DLAT: variants seen among roughly 807,000 people sequenced by gnomAD.
The protein encoded by DLAT is dihydrolipoyllysine-residue acetyltransferase component of pyruvate dehydrogenase complex, mitochondrial.
A neutral mutation model predicts 68.0 loss-of-function variants in DLAT; 43 were observed. That is an observed-to-expected ratio of 0.63 (90% confidence interval 0.50 to 0.81). DLAT has a LOEUF of 0.81. Among genes scored for constraint, DLAT ranks in the 40% least tolerant of loss-of-function variants. DLAT has a pLI of 0.00. For missense variants in DLAT, 745 were observed against 815.4 expected, an observed-to-expected ratio of 0.91 and a Z score of 1.05; for synonymous variants, 265 against 288.6, an observed-to-expected ratio of 0.92 and a Z score of 0.83.
In DLAT at chr11:112,064,259, ATTG is replaced by A. The variant is rs782265670; in HGVS notation, c.*1728_*1730del. Reference sequence around the variant, plus strand: ...TAAAAACAGTTGCCTTCTAATAAACATTGTTGAGTTAAAAATTAATCTGAGCTA... The same window carrying A: ...TAAAAACAGTTGCCTTCTAATAAACATTGAGTTAAAAATTAATCTGAGCTA... On this transcript the variant is annotated 3_prime_UTR_variant, in exon 14 of 14. Coordinates refer to ENST00000280346, the MANE Select transcript of DLAT (RefSeq NM_001931.5). 2.6e-6 allele frequency: 4 copies of A among 1,509,572 alleles called. No individual in the cohort carries two copies. The highest frequency in any genetic ancestry group is 2.7e-6 in the Non-Finnish European group (3 of 1,124,146). The allele number at this position is 1,509,572 out of a possible 1,614,324, so 93.5% of individuals were successfully genotyped here.
intron 4 of DLAT, among the ~76,000 whole-genome samples, chr11:112,032,241 G>A (rs1484471388): frequency 1.3e-5 from 2 of 150,894 alleles, no homozygotes; most frequent in Non-Finnish European, 2.9e-5. Context: ...ACTCCAGGCT[G>A]GGCAACAGAG....
rs1347826962 is a variant in DLAT at position 112,063,230 on chromosome 11, A to G, written c.*695A>G. On this transcript the variant is annotated 3_prime_UTR_variant, in exon 14 of 14. Coordinates refer to ENST00000280346, the MANE Select transcript of DLAT (RefSeq NM_001931.5). Reference sequence around the variant, plus strand: ...TTGATGTAACTGAGAATTTGTGTGGATATTTATTTAAACAAATGTGTAATT... The same window carrying G: ...TTGATGTAACTGAGAATTTGTGTGGGTATTTATTTAAACAAATGTGTAATT... 7.2e-5 allele frequency: 11 copies of G among 152,216 alleles called. No homozygotes were observed. The highest frequency in any genetic ancestry group is 1.2e-4 in the Non-Finnish European group (8 of 68,028). 9.4% of individuals were successfully genotyped at this position (152,216 alleles called of 1,614,324 possible).
At chr11:112,058,566 G>GGGTCTC (rs1864265749) in intron 11 of DLAT, among the ~76,000 whole-genome samples, 1 of 114,258 alleles carries the variant, frequency 8.8e-6, no homozygotes, top group African/African-American at 3.4e-5. Flanking sequence ...GGAGACCACG[G>GGGTCTC]ATAAAATCCA....
Position 112,028,902 on chromosome 11 carries a change from C to A in DLAT, c.617C>A (p.Pro206His). The A allele has an allele frequency of 6.2e-7, 1 of 1,614,182 alleles. No homozygotes were observed. The highest frequency in any genetic ancestry group is 1.1e-5 in the South Asian group (1 of 91,086). Residue 206 changes from proline (P) to histidine (H), a missense_variant, in exon 4 of 14, where the codon CCT (proline) becomes CAT (histidine). Transcript: ENST00000280346. ...TPAATASPPT[P>H]SAQAPGSSYP... ...GCTGCCACTGCTTCGCCACCTACAC[C>A]TTCTGCTCAGGCTCCTGGTAGCTCA...
Position 112,062,323 on chromosome 11 carries a change from G to A in DLAT, c.1815-83G>A. The A allele has an allele frequency of 2.1e-6, 3 of 1,450,284 alleles. No homozygotes were observed. The South Asian group carries it at 3.5e-5, about 17-fold the overall frequency. The allele number at this position is 1,450,284 out of a possible 1,614,324, so 89.8% of individuals were successfully genotyped here. ...AGTATTACCTGGTTGGGATTATAGG[G>A]TAGGAGTGAGCATTTGGGTGGTTAC... On this transcript the variant is annotated intron_variant, in intron 13 of 13. Transcript: ENST00000280346.
In DLAT at chr11:112,049,073, G is replaced by A. The variant is rs146021242; in HGVS notation, c.1399-2161G>A. On this transcript the variant is annotated intron_variant, in intron 10 of 13. Transcript: ENST00000280346. ...TGGCTCACTGCCAGCTCTGCCTCCC[G>A]GGTTCATGCCATTCTCCTGCCTCAG... is the stretch of plus-strand genomic sequence containing the variant. 3.6e-3 allele frequency among the ~76,000 whole-genome samples: 528 copies of A among 148,554 alleles called. 1 individual carries two copies. The highest frequency in any genetic ancestry group is 6.1e-3 in the Non-Finnish European group (411 of 67,382).
At chr11:112,030,089 C>T in intron 4 of DLAT, 1 of 862,918 alleles carries the variant, frequency 1.2e-6, no homozygotes. Flanking sequence ...CTGCGAATGT[C>T]TCCTGGTAAA....
At chr11:112,027,104 G>C (rs1358115353) in intron 2 of DLAT, among the ~76,000 whole-genome samples, 1 of 151,142 alleles carries the variant, frequency 6.6e-6, no homozygotes, top group Non-Finnish European at 1.5e-5. Flanking sequence ...CTTCCCAGAC[G>C]GGGTGGCTGC....
At chr11:112,036,830 C>G (rs1395169360) in intron 5 of DLAT, 2 of 166,060 alleles carry the variant, frequency 1.2e-5, no homozygotes, top group African/African-American at 4.8e-5. Context: ...GTTGGTAGCT[C>G]CCTTAATTAG....
intron 7 of DLAT, among the ~76,000 whole-genome samples, chr11:112,041,916 A>G (rs1262937139): frequency 2.0e-5 from 3 of 152,138 alleles, no homozygotes; most frequent in Non-Finnish European, 2.9e-5. Context: ...TTAATGAAGC[A>G]TAATGAGCAA....
chr11:112,031,443 G>T (rs587727643), intron 4 of DLAT, among the ~76,000 whole-genome samples: 2 of 152,158 alleles, frequency 1.3e-5, no homozygotes, highest in South Asian at 2.1e-4. Flanking sequence ...TTGAAACAGG[G>T]TCTCACTCCA....
Position 112,028,560 on chromosome 11 carries a change from T to A in DLAT, c.427T>A (p.Cys143Ser). Residue 143 changes from cysteine (C) to serine (S), a missense_variant, in exon 3 of 14, where the codon TGT becomes AGT. By Grantham distance (112) the Cys-to-Ser change is moderately radical (BLOSUM62 -1). Coordinates refer to ENST00000280346, the MANE Select transcript of DLAT (RefSeq NM_001931.5). The part of the protein sequence containing the change: ...ATVGFESLEE[C>S]YMAKILVAEG... ...TGTTGGATTTGAGAGCCTGGAGGAGTGTTATATGGCAAAGATACTTGTTGC... is the reference window on the plus strand; with the variant it reads ...TGTTGGATTTGAGAGCCTGGAGGAGAGTTATATGGCAAAGATACTTGTTGC... 6.2e-7 allele frequency: 1 copy of A among 1,612,336 alleles called. No individual in the cohort carries two copies. The highest frequency in any genetic ancestry group is 8.5e-7 in the Non-Finnish European group (1 of 1,179,768).
At chr11:112,055,848 C>CT (rs71060212) in intron 11 of DLAT, among the ~76,000 whole-genome samples, 327 of 31,966 alleles carry the variant, frequency 0.01, 151 homozygotes, top group East Asian at 0.016. Context: ...CATATAGACA[C>CT]TTTTTTTTTT....
Position 112,028,544 on chromosome 11 carries a change from T to G in DLAT, c.411T>G (p.Phe137Leu). Residue 137 changes from phenylalanine to leucine, a missense_variant, in exon 3 of 14, where the codon TTT becomes TTG. By Grantham distance (22) the Phe-to-Leu change is conservative. Coordinates refer to ENST00000280346, the MANE Select transcript of DLAT (RefSeq NM_001931.5). The stretch of plus-strand genomic sequence containing the variant: ...AAACTGATAAAGCCACTGTTGGATT[T>G]GAGAGCCTGGAGGAGTGTTATATGG... ...EVETDKATVG[F>L]ESLEECYMAK... The G allele has an allele frequency of 6.2e-7, 1 of 1,614,142 alleles. No homozygotes were observed. Among genetic ancestry groups the G allele is most frequent in the South Asian group, 1.1e-5 (1 of 91,084 alleles).
chr11:112,055,629 A>C (rs139140256), intron 11 of DLAT, among the ~76,000 whole-genome samples: 1 of 151,988 alleles, frequency 6.6e-6, no homozygotes, highest in Non-Finnish European at 1.5e-5. Flanking sequence ...CATACCTTTC[A>C]GTTCTCTCCT....
At chr11:112,046,790 A>G (rs587618229) in intron 10 of DLAT, among the ~76,000 whole-genome samples, 259 of 150,930 alleles carry the variant, frequency 1.7e-3, no homozygotes, top group Non-Finnish European at 3.0e-3. Context: ...TGCAAAGGAC[A>G]CAAACTCATC....
At chr11:112,037,206 T>C (rs1251358912) in intron 5 of DLAT, 67 bp from the exon 6 acceptor site, 1 of 1,462,120 alleles carries the variant, frequency 6.8e-7, no homozygotes, top group Non-Finnish European at 9.6e-7. Flanking sequence ...TACTTAAAAC[T>C]GTGCTGTGAG....
chr11:112,043,588 AC>A, intron 8 of DLAT, 55 bp downstream of exon 8: 1 of 1,360,282 alleles, frequency 7.4e-7, no homozygotes, highest in Non-Finnish European at 1.1e-6. Context: ...AGCCTGTTAG[AC>A]CATTTCATAC....
At chr11:112,033,765 T>C (rs1862544875) in intron 5 of DLAT, among the ~76,000 whole-genome samples, 1 of 152,244 alleles carries the variant, frequency 6.6e-6, no homozygotes, top group Non-Finnish European at 1.5e-5. Flanking sequence ...TTGCCCAGGC[T>C]GGAGTGCGGT....
Sources: allele counts gnomAD v4.1 joint callset (sites outside exome capture counted in the v4.1 genomes callset), GRCh38; gene constraint gnomAD v4.1.1; transcripts MANE v1.5; gene names NCBI Gene and HGNC (gene_info 2026-07-23, HGNC 2026-07-21).